The following CDH23 variants were observed in gnomAD, a reference collection of about 807,000 sequenced individuals.
CDH23 encodes cadherin-23.
CDH23 carries 189 observed loss-of-function variants against 317.1 expected under a neutral mutation model. The observed-to-expected ratio is 0.60, with a 90% CI of 0.53 to 0.67. The LOEUF (loss-of-function observed/expected upper bound fraction) is 0.67. Among genes scored for constraint, CDH23 ranks in the 30% least tolerant of loss-of-function variants. CDH23 has a pLI of 0.00. For missense variants in CDH23, 4,401 were observed against 4,592.4 expected (o/e 0.96, Z 1.20); for synonymous variants, 1,839 against 1,876.8 (o/e 0.98, Z 0.52).
chr10:71,781,290 G>A (rs1225974987), intron 41 of CDH23, among the ~76,000 whole-genome samples: 2 of 152,184 alleles, frequency 1.3e-5, no homozygotes, highest in Admixed American at 1.3e-4. Flanking sequence ...AGCTTATGAG[G>A]GGTCACTCTG....
intron 6 of CDH23, among the ~76,000 whole-genome samples, chr10:71,533,446 C>T (rs1310334557): frequency 2.6e-5 from 4 of 152,034 alleles, no homozygotes; most frequent in Admixed American, 1.3e-4. Flanking sequence ...GAAACACCGC[C>T]CTGCCCCGCA....
intron 1 of CDH23, among the ~76,000 whole-genome samples, chr10:71,423,000 TC>T (rs138688650): frequency 0.044 from 6,627 of 152,262 alleles, 194 homozygotes; most frequent in Middle Eastern, 0.078. Flanking sequence ...TCCCTCTCTC[TC>T]CCCTTCCATT....
intron 9 of CDH23, among the ~76,000 whole-genome samples, chr10:71,584,542 C>CTGTGTGTG (rs138103081): frequency 0.055 from 7,951 of 145,700 alleles, 301 homozygotes; most frequent in Non-Finnish European, 0.076. Context: ...GAAGGGAAGT[C>CTGTGTGTG]TGTGTGTGTG....
intron 8 of CDH23, among the ~76,000 whole-genome samples, chr10:71,572,412 A>G (rs1857879566): frequency 6.6e-6 from 1 of 152,308 alleles, no homozygotes; most frequent in South Asian, 2.1e-4. Context: ...CTGAGTGGTC[A>G]GCACTCTTGA....
At chr10:71,727,217 T>C (rs1866854851) in intron 30 of CDH23, among the ~76,000 whole-genome samples, 1 of 152,234 alleles carries the variant, frequency 6.6e-6, no homozygotes, top group Non-Finnish European at 1.5e-5. Context: ...AGCCGACTTG[T>C]TCAGGGTCAC....
At chr10:71,439,298 TAAAAAA>T (rs57011906) in intron 1 of CDH23, among the ~76,000 whole-genome samples, 1 of 151,108 alleles carries the variant, frequency 6.6e-6, no homozygotes, top group Non-Finnish European at 1.5e-5. Context: ...ATATAAAAAA[TAAAAAA>T]AAACAGGAAG....
intron 38 of CDH23, among the ~76,000 whole-genome samples, chr10:71,775,868 G>A (rs1323409693): frequency 1.3e-5 from 2 of 152,168 alleles, no homozygotes; most frequent in Non-Finnish European, 2.9e-5. Context: ...GGCTCTGCAG[G>A]GCCTGGAGGC....
At chr10:71,678,488 G>A (rs1395185409) in intron 16 of CDH23, among the ~76,000 whole-genome samples, 1 of 152,200 alleles carries the variant, frequency 6.6e-6, no homozygotes, top group Non-Finnish European at 1.5e-5. Context: ...TACCCCAAGG[G>A]ATGGGACCCA....
rs527738990 is a variant in CDH23, at chr10:71,809,738, C to T, written c.8723-82C>T. The T allele has an allele frequency of 4.9e-4, 752 of 1,547,220 alleles. 7 individuals carry two copies. In the South Asian group the frequency reaches 8.6e-3, roughly 18 times the overall value. On this transcript the variant is annotated intron_variant, in intron 60 of 69. Transcript: ENST00000224721. ...GTGCCGCCTCCCCTAGATGTGCCCA[C>T]CTACCCCAGGGCTCATGCCCCTTCC...
intron 14 of CDH23, among the ~76,000 whole-genome samples, chr10:71,658,719 G>A (rs1665690): frequency 0.36 from 54,301 of 152,018 alleles, 10,421 homozygotes; most frequent in South Asian, 0.56. Context: ...GGTGAGCGGC[G>A]TGTCCCAGGC....
intron 3 of CDH23, among the ~76,000 whole-genome samples, chr10:71,456,903 G>C (rs1850724712): frequency 6.6e-6 from 1 of 152,206 alleles, no homozygotes; most frequent in Non-Finnish European, 1.5e-5. Flanking sequence ...ATCGCCCTCT[G>C]GCCCCAAAGC....
At chr10:71,530,036 C>CAT (rs1855275352) in intron 6 of CDH23, among the ~76,000 whole-genome samples, 1 of 127,488 alleles carries the variant, frequency 7.8e-6, no homozygotes, top group South Asian at 2.3e-4. Flanking sequence ...CACATACAGA[C>CAT]ACACACACAC....
At chr10:71,455,780 A>G (rs1443157809) in intron 3 of CDH23, among the ~76,000 whole-genome samples, 12 of 152,184 alleles carry the variant, frequency 7.9e-5, no homozygotes, top group Admixed American at 7.9e-4. Context: ...TCACTCCTAT[A>G]TTAAATCAGA....
intron 1 of CDH23, among the ~76,000 whole-genome samples, chr10:71,398,933 G>A (rs1847659034): frequency 6.6e-6 from 1 of 152,160 alleles, no homozygotes; most frequent in African/African-American, 2.4e-5. Flanking sequence ...TCTGTGCTGG[G>A]TCCGCATATA....
intron 6 of CDH23, among the ~76,000 whole-genome samples, chr10:71,530,826 G>A (rs1240057786): frequency 2.0e-5 from 3 of 152,190 alleles, no homozygotes; most frequent in African/African-American, 4.8e-5. Context: ...TCTAGGCATC[G>A]TTTCATTCTT....
In CDH23 at chr10:71,709,339, G is replaced by A. The variant is rs949721502; in HGVS notation, c.3220+128G>A. ...ATGCCAGTGGAGAAAGGGCCACCAG[G>A]CACTCACCAAACATTACTCAGCACT... is the stretch of plus-strand genomic sequence containing the variant. On this transcript the variant is annotated intron_variant, in intron 27 of 69. Transcript: ENST00000224721. The A allele has an allele frequency of 2.7e-5, 20 of 739,022 alleles. No homozygotes were observed. In the South Asian group the frequency reaches 3.4e-4, roughly 13 times the overall value. 45.8% of individuals were successfully genotyped at this position (739,022 alleles called of 1,614,324 possible). A position where few individuals can be genotyped will look rare whatever the true frequency, so the allele number is the denominator to read the frequency against.
intron 38 of CDH23, chr10:71,755,038 C>A (rs1323636685): frequency 3.9e-6 from 2 of 514,690 alleles, no homozygotes. Flanking sequence ...CCCCAAGGAT[C>A]TCTGAGTGGC....
intron 38 of CDH23, among the ~76,000 whole-genome samples, chr10:71,753,479 G>C (rs530607836): frequency 2.0e-5 from 3 of 152,174 alleles, no homozygotes; most frequent in African/African-American, 7.2e-5. Context: ...GAGGGCTCCT[G>C]GTCCTCTCTG....
At chr10:71,467,967 A>G (rs1851333563) in intron 3 of CDH23, among the ~76,000 whole-genome samples, 1 of 152,146 alleles carries the variant, frequency 6.6e-6, no homozygotes, top group African/African-American at 2.4e-5. Context: ...ACCCTAGCAG[A>G]TGCTTCCTGA....
Sources: allele counts gnomAD v4.1 joint callset (sites outside exome capture counted in the v4.1 genomes callset), GRCh38; gene constraint gnomAD v4.1.1; transcripts MANE v1.5; gene names NCBI Gene and HGNC (gene_info 2026-07-23, HGNC 2026-07-21).